ACBD6: variants seen among roughly 807,000 people sequenced by gnomAD.
The protein encoded by ACBD6 is acyl-CoA-binding domain-containing protein 6.
ACBD6 carries 28 observed loss-of-function variants against 37.2 expected under a neutral mutation model. That is an observed-to-expected ratio of 0.75 (90% CI 0.56 to 1.03). The LOEUF is 1.03. ACBD6 is among the 50% of genes least tolerant of loss of function. The probability of loss-of-function intolerance (pLI) is 0.00; values close to 1 mark genes in which losing one functional copy is unlikely to be tolerated. For missense variants in ACBD6, 340 were observed against 337.4 expected (o/e 1.01, Z -0.06); for synonymous variants, 113 against 126.8 (o/e 0.89, Z 0.73).
At chr1:180,381,485 A>G (rs1434382068) in intron 6 of ACBD6, among the ~76,000 whole-genome samples, 1 of 152,222 alleles carries the variant, frequency 6.6e-6, no homozygotes, top group Non-Finnish European at 1.5e-5. Flanking sequence ...AAGTCTCAAC[A>G]AATTTTAAAA....
intron 3 of ACBD6, among the ~76,000 whole-genome samples, chr1:180,440,036 T>C (rs1031193730): frequency 2.6e-5 from 4 of 152,224 alleles, no homozygotes; most frequent in Admixed American, 2.0e-4. Context: ...GTGAAGTTCC[T>C]TTAAAATTTA....
At chr1:180,326,409 A>G (rs1473801766) in intron 6 of ACBD6, 1 of 151,988 alleles carries the variant, frequency 6.6e-6, no homozygotes, top group East Asian at 1.9e-4. Context: ...CCCAGAACTC[A>G]CCCTTCAGGG....
chr1:180,393,695 A>T (rs1344593779), intron 6 of ACBD6, among the ~76,000 whole-genome samples: 2 of 152,228 alleles, frequency 1.3e-5, no homozygotes, highest in African/African-American at 2.4e-5. Context: ...AATCTCCAGA[A>T]GCCCTCTGAC....
intron 6 of ACBD6, among the ~76,000 whole-genome samples, chr1:180,316,325 TGC>T (rs1379798245): frequency 2.7e-5 from 4 of 148,786 alleles, no homozygotes; most frequent in African/African-American, 1.0e-4. Flanking sequence ...TGTGTGTGTG[TGC>T]GTGAGTGCGC....
chr1:180,486,297 G>C (rs1201519441), intron 3 of ACBD6, among the ~76,000 whole-genome samples: 1 of 152,200 alleles, frequency 6.6e-6, no homozygotes, highest in Non-Finnish European at 1.5e-5. Flanking sequence ...GGTCACAGCA[G>C]GGACACAAAA....
intron 6 of ACBD6, among the ~76,000 whole-genome samples, chr1:180,373,176 G>A (rs1653321656): frequency 6.6e-6 from 1 of 152,094 alleles, no homozygotes; most frequent in Non-Finnish European, 1.5e-5. Context: ...TTCAGAACCT[G>A]CCAATATCAA....
chr1:180,460,891 G>T (rs936340402), intron 3 of ACBD6, among the ~76,000 whole-genome samples: 1 of 152,190 alleles, frequency 6.6e-6, no homozygotes, highest in East Asian at 1.9e-4. Context: ...GACTGTGGCT[G>T]AGGCTGACAT....
intron 6 of ACBD6, among the ~76,000 whole-genome samples, chr1:180,318,170 C>CCG (rs1553291921): frequency 1.1e-5 from 1 of 93,646 alleles, no homozygotes; most frequent in Non-Finnish European, 2.1e-5. Flanking sequence ...TCCGCCCCCC[C>CCG]CCCCCAAAAA....
intron 9 of ACBD6, chr1:180,275,505 C>CTGA (rs1395648555): frequency 6.6e-6 from 1 of 152,220 alleles, no homozygotes; most frequent in Non-Finnish European, 1.5e-5. Context: ...GCCATATCGG[C>CTGA]TGATGCCAGT....
At chr1:180,333,234 T>TA (rs138788320) in intron 6 of ACBD6, among the ~76,000 whole-genome samples, 1,935 of 151,388 alleles carry the variant, frequency 0.013, 49 homozygotes, top group African/African-American at 0.044. Flanking sequence ...TTTTCCAGAT[T>TA]AAAAAAAAAC....
At chr1:180,405,491 T>C (rs1647576366) in intron 5 of ACBD6, among the ~76,000 whole-genome samples, 1 of 152,152 alleles carries the variant, frequency 6.6e-6, no homozygotes, top group African/African-American at 2.4e-5. Context: ...TAGATAAGAA[T>C]CTATGGAAAA....
chr1:180,376,659 T>C (rs141551713), intron 6 of ACBD6, among the ~76,000 whole-genome samples: 2 of 151,928 alleles, frequency 1.3e-5, no homozygotes, highest in Middle Eastern at 3.4e-3. Context: ...AAAATAAATA[T>C]AGAAAAGATA....
chr1:180,443,267 T>A (rs1170501716), intron 3 of ACBD6, among the ~76,000 whole-genome samples: 1 of 152,216 alleles, frequency 6.6e-6, no homozygotes, highest in Non-Finnish European at 1.5e-5. Flanking sequence ...CTCTACCATA[T>A]GCCCCACATA....
exon 10 of ACBD6, chr1:180,275,148 C>A (rs1648953250): frequency 6.6e-6 from 1 of 152,250 alleles, no homozygotes; most frequent in South Asian, 2.1e-4. Flanking sequence ...ATGCCCCCTC[C>A]TTTTTTATTT....
At chr1:180,361,046 A>T (rs1329315030) in intron 6 of ACBD6, among the ~76,000 whole-genome samples, 1 of 152,190 alleles carries the variant, frequency 6.6e-6, no homozygotes, top group Non-Finnish European at 1.5e-5. Context: ...GATGGAATCA[A>T]GGAAATTGGA....
intron 6 of ACBD6, among the ~76,000 whole-genome samples, chr1:180,355,532 C>G (rs1652589183): frequency 6.6e-6 from 1 of 152,070 alleles, no homozygotes; most frequent in Admixed American, 6.5e-5. Flanking sequence ...TATTTTTTTG[C>G]CCATAGCTTT....
chr1:180,300,795 T>C (rs1225618742), intron 7 of ACBD6, among the ~76,000 whole-genome samples: 1 of 152,206 alleles, frequency 6.6e-6, no homozygotes, highest in East Asian at 1.9e-4. Flanking sequence ...ACAGAAATAT[T>C]GATATACATT....
At chr1:180,466,062 T>C (rs578152763) in intron 3 of ACBD6, among the ~76,000 whole-genome samples, 1 of 152,040 alleles carries the variant, frequency 6.6e-6, no homozygotes, top group Non-Finnish European at 1.5e-5. Context: ...AATACCTGAG[T>C]GATGTAATAA....
intron 6 of ACBD6, among the ~76,000 whole-genome samples, chr1:180,322,531 A>G (rs949675579): frequency 2.6e-5 from 4 of 151,992 alleles, no homozygotes; most frequent in South Asian, 2.1e-4. Flanking sequence ...CTATCTTGTT[A>G]TGTGTTACTG....
Sources: gnomAD v4.1 joint callset for allele counts (sites outside exome capture counted in the v4.1 genomes callset) on GRCh38, gnomAD v4.1.1 for gene constraint, MANE v1.5 for transcripts, NCBI Gene and HGNC (gene_info 2026-07-23, HGNC 2026-07-21) for gene names.